PCNX2: variants seen among roughly 807,000 people sequenced by gnomAD.
PCNX2 encodes pecanex 2.
PCNX2 carries 168 observed loss-of-function variants against 223.8 expected under a neutral mutation model. The ratio of observed to expected loss-of-function variants is 0.75; its 90% CI spans 0.66 to 0.85. The LOEUF is 0.85. Ranked by LOEUF, PCNX2 falls within the 40% of genes least tolerant of loss-of-function variation. The pLI is 0.00. For missense variants in PCNX2, 2,507 were observed against 2,675.5 expected (o/e 0.94, Z 1.39); for synonymous variants, 1,006 against 1,052.6 (o/e 0.96, Z 0.86).
chr1:233,240,163 G>A (rs908088924), intron 8 of PCNX2, among the ~76,000 whole-genome samples: 1 of 152,124 alleles, frequency 6.6e-6, no homozygotes, highest in African/African-American at 2.4e-5. Flanking sequence ...TAATTCTCTG[G>A]TGTCCTGATA....
intron 19 of PCNX2, among the ~76,000 whole-genome samples, chr1:233,144,942 G>GTTTTTTTTTTTTTTTTTTTT: frequency 7.2e-6 from 1 of 138,146 alleles, no homozygotes; most frequent in African/African-American, 2.7e-5. Context: ...ATTTGTTGTT[G>GTTTTTTTTTTTTTTTTTTTT]TTGTTGTTTT....
At chr1:233,227,463 C>CAT (rs974612175) in intron 9 of PCNX2, 92 bp from the exon 10 acceptor site, 8 of 1,078,414 alleles carry the variant, frequency 7.4e-6, no homozygotes, top group African/African-American at 4.9e-5. Context: ...CACACACACA[C>CAT]ATATATATGT....
At chr1:233,147,825 G>C (rs1304305880) in intron 19 of PCNX2, among the ~76,000 whole-genome samples, 2 of 152,188 alleles carry the variant, frequency 1.3e-5, no homozygotes, top group African/African-American at 4.8e-5. Context: ...ATCTTTAAGA[G>C]GTGATAACTG....
At position 233,227,352 on chromosome 1, in the gene PCNX2, T is replaced by A; in HGVS notation, c.2378A>T (p.Glu793Val). ...TTGTGTTGAAGAACATGACGAGGCT[T>A]CCAGATCCTGACTCACATGCTTTTA... ...ETPRHVSQDL[E>V]ASSCSSTQGK... Residue 793 changes from glutamate (E) to valine (V), a missense_variant, in exon 10 of 34, where the codon GAA becomes GTA. Around this residue, in one of 3 missense-constraint regions of PCNX2, gnomAD observed 1,031 missense variants for 1,021.7 expected, o/e 1.01. Transcript: ENST00000258229. 6.2e-7 allele frequency: 1 copy of A among 1,613,258 alleles called. No homozygotes were observed. Among genetic ancestry groups the A allele is most frequent in the Non-Finnish European group, 8.5e-7 (1 of 1,179,550 alleles).
intron 12 of PCNX2, 40 bp from the exon 13 acceptor site, chr1:233,208,729 T>C (rs1681633374): frequency 2.5e-6 from 4 of 1,569,022 alleles, no homozygotes; most frequent in Non-Finnish European, 3.5e-6. Context: ...ACCTCTTATT[T>C]TGATTAAATG....
At chr1:233,217,486 C>A (rs1183078239) in intron 12 of PCNX2, among the ~76,000 whole-genome samples, 2 of 152,132 alleles carry the variant, frequency 1.3e-5, no homozygotes, top group Admixed American at 6.5e-5. Context: ...TTCCATTAGA[C>A]CTATTTACAC....
In PCNX2 at chr1:233,177,877, C is replaced by T. The variant is rs1679571577; in HGVS notation, c.3198G>A (p.Leu1066=). Residue 1066 remains leucine, a synonymous_variant, in exon 17 of 34, where the codon CTG becomes CTA. Transcript: ENST00000258229. ...GATTTTGATGTAAAAATTTAGGAAACAGCCTGCATTGGATGAAGGACCTGA... is the reference window on the plus strand; with the variant it reads ...GATTTTGATGTAAAAATTTAGGAAATAGCCTGCATTGGATGAAGGACCTGA... ...SVLMSFIQCR[L]FPKFLHQNLA... The T allele has an allele frequency of 1.2e-6, 2 of 1,613,738 alleles. No individual in the cohort carries two copies. Among genetic ancestry groups the T allele is most frequent in the Non-Finnish European group, 1.7e-6 (2 of 1,179,792 alleles).
At chr1:233,273,326 G>A (rs1660743065) in intron 1 of PCNX2, among the ~76,000 whole-genome samples, 1 of 151,866 alleles carries the variant, frequency 6.6e-6, no homozygotes, top group African/African-American at 2.4e-5. Context: ...TGCTGTGTGA[G>A]CCATGGAAGG....
intron 23 of PCNX2, among the ~76,000 whole-genome samples, chr1:233,087,566 A>G (rs2102934121): frequency 6.6e-6 from 1 of 152,348 alleles, no homozygotes; most frequent in South Asian, 2.1e-4. Context: ...AAAAAGTTTT[A>G]AATAGATAGA....
intron 1 of PCNX2, among the ~76,000 whole-genome samples, chr1:233,270,756 G>A (rs984111717): frequency 6.6e-6 from 1 of 152,070 alleles, no homozygotes; most frequent in Admixed American, 6.5e-5. Context: ...CTCTTTCTTA[G>A]TGTGCAGTTT....
At position 233,206,170 on chromosome 1, in the gene PCNX2, T is replaced by C. The variant is rs1243827851; in HGVS notation, c.2863+2348A>G. Among the ~76,000 whole-genome samples the C allele has an allele frequency of 2.6e-5, 4 of 152,138 alleles. No individual in the cohort carries two copies. The East Asian group carries it at 5.8e-4, about 22-fold the overall frequency. ...GGCACTCTATCAACACTAACCCACA[T>C]TCAAGATCCCAGGAAAAGATGGCTG... On this transcript the variant is annotated intron_variant, in intron 13 of 33. Transcript: ENST00000258229.
intron 21 of PCNX2, among the ~76,000 whole-genome samples, chr1:233,134,033 G>T (rs1354450399): frequency 1.3e-5 from 2 of 151,874 alleles, no homozygotes. Context: ...AAATAAAGAT[G>T]AACAGAACTG....
intron 13 of PCNX2, among the ~76,000 whole-genome samples, chr1:233,206,910 C>G (rs1425031784): frequency 2.0e-5 from 3 of 151,744 alleles, no homozygotes; most frequent in African/African-American, 7.3e-5. Flanking sequence ...ACTTGGGAGG[C>G]TGAGGCTGGA....
chr1:233,038,198 G>A (rs1219678524), intron 25 of PCNX2, among the ~76,000 whole-genome samples: 1 of 152,142 alleles, frequency 6.6e-6, no homozygotes, highest in Non-Finnish European at 1.5e-5. Context: ...AAATCACTAA[G>A]TATACATTGT....
intron 20 of PCNX2, among the ~76,000 whole-genome samples, chr1:233,137,185 A>G (rs761010335): frequency 2.6e-5 from 4 of 152,168 alleles, no homozygotes; most frequent in Non-Finnish European, 4.4e-5. Context: ...GAGTTTGTAC[A>G]TTGTCCTCAT....
In PCNX2 at chr1:232,989,773, G is replaced by A. The variant is rs139534729; in HGVS notation, c.5792-3233C>T. Among the ~76,000 whole-genome samples, 1,188 of 152,298 alleles carry A rather than the reference G, an allele frequency of 7.8e-3. 17 individuals carry two copies. The highest frequency in any genetic ancestry group is 0.026 in the African/African-American group (1,084 of 41,562). On this transcript the variant is annotated intron_variant, in intron 32 of 33. Coordinates refer to ENST00000258229, the MANE Select transcript of PCNX2 (RefSeq NM_014801.4). The stretch of plus-strand genomic sequence containing the variant: ...AGTGAGCTTCAGAAAGTTCGGGGTG[G>A]GTACAGTGTTTCTTAAACTTGGCCA...
chr1:233,169,805 A>G (rs1275342071), intron 17 of PCNX2, among the ~76,000 whole-genome samples: 1 of 152,000 alleles, frequency 6.6e-6, no homozygotes. Context: ...CTATCTGATC[A>G]AAAATCCTTC....
chr1:233,293,864 T>C (rs771001019), intron 1 of PCNX2: 7 of 763,676 alleles, frequency 9.2e-6, no homozygotes, highest in Non-Finnish European at 1.1e-5. Flanking sequence ...TTCACCCTGG[T>C]GAGGGCTGTG....
At chr1:233,165,592 C>T (rs942020311) in intron 17 of PCNX2, among the ~76,000 whole-genome samples, 2 of 151,940 alleles carry the variant, frequency 1.3e-5, no homozygotes, top group Non-Finnish European at 1.5e-5. Context: ...TTTTCATGTA[C>T]TTAATTTAAA....
Sources: gnomAD v4.1 joint callset for allele counts (sites outside exome capture counted in the v4.1 genomes callset) on GRCh38, gnomAD v4.1.1 for gene constraint, gnomAD v4.1.1 regional missense constraint, MANE v1.5 for transcripts, NCBI Gene and HGNC (gene_info 2026-07-23, HGNC 2026-07-21) for gene names.